Variants in ZC3H3 observed in about 807,000 individuals in gnomAD.
The protein encoded by ZC3H3 is zinc finger CCCH-type containing 3, also known as zinc finger CCCH domain-containing protein 3.
A neutral mutation model predicts 77.3 loss-of-function variants in ZC3H3; 36 were observed. That is an observed-to-expected ratio of 0.47 (90% CI 0.36 to 0.61). The LOEUF (loss-of-function observed/expected upper bound fraction) is 0.61. ZC3H3 is among the 20% of genes least tolerant of loss of function. ZC3H3 has a pLI of 0.00. For synonymous variants in ZC3H3, 626 were observed against 555.2 expected (o/e 1.13, Z -1.79); for missense variants, 1,331 against 1,312.2 (o/e 1.01, Z -0.22).
At chr8:143,459,137 G>A (rs1820193420) in intron 9 of ZC3H3, among the ~76,000 whole-genome samples, 1 of 152,198 alleles carries the variant, frequency 6.6e-6, no homozygotes, top group African/African-American at 2.4e-5. Context: ...TGTGAGGCCA[G>A]TAGTACCCCG....
rs759395862 is a variant in ZC3H3 at position 143,441,026 on chromosome 8, T to A, written c.2402A>T (p.Lys801Ile). The change falls in exon 10 of 12, where the codon AAA becomes ATA. Residue 801 changes from lysine (K) to isoleucine (I), a missense_variant. By Grantham distance (102) the Lys-to-Ile change is moderately radical. Coordinates refer to ENST00000262577, the MANE Select transcript of ZC3H3 (RefSeq NM_015117.3). ...CGTGGCTGCCCGCCGACTGTGGCGT[T>A]TCTGGGTACGGTGGAGCAGCTGGCA... is the stretch of plus-strand genomic sequence containing the variant. Reference protein sequence around the residue: ...AQCQLLHRTQKRHSRRAATSP... With the variant: ...AQCQLLHRTQIRHSRRAATSP... The A allele has an allele frequency of 2.7e-6, 4 of 1,482,618 alleles. No homozygotes were observed. The highest frequency in any genetic ancestry group is 5.4e-5 in the East Asian group (2 of 36,922). The allele number at this position is 1,482,618 out of a possible 1,614,324, so 91.8% of individuals were successfully genotyped here. A position where few individuals can be genotyped will look rare whatever the true frequency, so the allele number is the denominator to read the frequency against.
At position 143,494,115 on chromosome 8, in the gene ZC3H3, C is replaced by T. The variant is rs879921354; in HGVS notation, c.1715+13631G>A. 9.2e-5 allele frequency among the ~76,000 whole-genome samples: 14 copies of T among 152,212 alleles called. No homozygotes were observed. The highest frequency in any genetic ancestry group is 9.1e-4 in the Admixed American group (14 of 15,306). ...GGGAGGGGAAGGGGAGCGCTGAGGG[C>T]CATCCCCACAGGCCTCCCCAGGGCC... is the stretch of plus-strand genomic sequence containing the variant. On this transcript the variant is annotated intron_variant, in intron 4 of 11. Transcript: ENST00000262577. This position sits in a 1 kb window ranked among gnomAD's most constrained non-coding sequence, Gnocchi z 5.3.
At position 143,449,072 on chromosome 8, in the gene ZC3H3, G is replaced by A. The variant is rs566393196; in HGVS notation, c.2308-7952C>T. On this transcript the variant is annotated intron_variant, in intron 9 of 11. Coordinates refer to ENST00000262577, the MANE Select transcript of ZC3H3 (RefSeq NM_015117.3). ...GGGACGCAGATCCTGGGGCTGTGCA[G>A]GGCAGTGGGGCTCTGGGCCAGGTCC... is the stretch of plus-strand genomic sequence containing the variant. 9.6e-4 allele frequency among the ~76,000 whole-genome samples: 146 copies of A among 152,354 alleles called. 1 individual carries two copies. Among genetic ancestry groups the A allele is most frequent in the African/African-American group, 3.4e-3 (143 of 41,580 alleles).
At chr8:143,450,500 A>C (rs1252946884) in intron 9 of ZC3H3, among the ~76,000 whole-genome samples, 1 of 152,156 alleles carries the variant, frequency 6.6e-6, no homozygotes, top group East Asian at 1.9e-4. Context: ...TAATTTATGA[A>C]GATAAGAGGT....
intron 3 of ZC3H3, among the ~76,000 whole-genome samples, chr8:143,531,569 G>T (rs1822608226): frequency 6.6e-6 from 1 of 152,226 alleles, no homozygotes; most frequent in South Asian, 2.1e-4. Context: ...TATCTGTTGT[G>T]CCAAATAAAT....
At position 143,517,109 on chromosome 8, in the gene ZC3H3, C is replaced by T. The variant is rs915264877; in HGVS notation, c.1562-9210G>A. Among the ~76,000 whole-genome samples the T allele has an allele frequency of 8.5e-5, 13 of 152,354 alleles. No homozygotes were observed. The East Asian group carries it at 1.2e-3, about 14-fold the overall frequency. On this transcript the variant is annotated intron_variant, in intron 3 of 11. Coordinates refer to ENST00000262577, the MANE Select transcript of ZC3H3 (RefSeq NM_015117.3). ...AAGGGAAGATTGAGACCCTACTCTTCTTAAAGTCACTCAAGCAACACAAGC... is the reference window on the plus strand; with the variant it reads ...AAGGGAAGATTGAGACCCTACTCTTTTTAAAGTCACTCAAGCAACACAAGC...
rs1321467085 is a variant in ZC3H3 at position 143,460,295 on chromosome 8, G to A, written c.2307+5422C>T. On this transcript the variant is annotated intron_variant, in intron 9 of 11. Coordinates refer to ENST00000262577, the MANE Select transcript of ZC3H3 (RefSeq NM_015117.3). The surrounding 1 kb of genome is among the most constrained non-coding windows in gnomAD (Gnocchi z 4.0). The stretch of plus-strand genomic sequence containing the variant: ...AAATAAATAAATAAATAAATAAAAG[G>A]CATCCCAATTGAAAAGGAAGAAGTA... Among the ~76,000 whole-genome samples the A allele has an allele frequency of 2.1e-5, 3 of 139,572 alleles. No individual in the cohort carries two copies. Among genetic ancestry groups the A allele is most frequent in the African/African-American group, 7.8e-5 (3 of 38,384 alleles). 91.6% of individuals were successfully genotyped at this position (139,572 alleles called of 152,430 possible). A position where few individuals can be genotyped will look rare whatever the true frequency, so the allele number is the denominator to read the frequency against.
intron 3 of ZC3H3, among the ~76,000 whole-genome samples, chr8:143,523,853 G>A (rs1822328142): frequency 6.6e-6 from 1 of 152,258 alleles, no homozygotes; most frequent in African/African-American, 2.4e-5. Context: ...GTCAGAGCGG[G>A]GCCGCAGGAT....
intron 1 of ZC3H3, among the ~76,000 whole-genome samples, chr8:143,540,752 T>TA (rs752973474): frequency 6.6e-6 from 1 of 151,636 alleles, no homozygotes; most frequent in Non-Finnish European, 1.5e-5. Context: ...GGTCGGGAGT[T>TA]AGAGACCATC....
intron 4 of ZC3H3, among the ~76,000 whole-genome samples, chr8:143,503,385 C>G (rs1821586474): frequency 6.6e-6 from 1 of 152,162 alleles, no homozygotes; most frequent in South Asian, 2.1e-4. Context: ...TGGCTGGCAG[C>G]ACACAGAAGC....
intron 3 of ZC3H3, among the ~76,000 whole-genome samples, chr8:143,510,248 T>C (rs1403376004): frequency 6.6e-6 from 1 of 152,180 alleles, no homozygotes; most frequent in Non-Finnish European, 1.5e-5. Context: ...ACCCCTCTCC[T>C]ACAGTCCCTA....
At chr8:143,507,276 G>A (rs1821731152) in intron 4 of ZC3H3, among the ~76,000 whole-genome samples, 1 of 152,150 alleles carries the variant, frequency 6.6e-6, no homozygotes, top group Admixed American at 6.5e-5. Flanking sequence ...AACACGGACA[G>A]GCAGCCAGCA....
chr8:143,491,689 C>G (rs942705114), intron 4 of ZC3H3, among the ~76,000 whole-genome samples: 1 of 152,250 alleles, frequency 6.6e-6, no homozygotes, highest in Non-Finnish European at 1.5e-5. Flanking sequence ...CGTCGCCCAG[C>G]AGGCCATGCT....
intron 4 of ZC3H3, among the ~76,000 whole-genome samples, chr8:143,495,841 ATCC>A (rs1383405857): frequency 6.7e-6 from 1 of 149,522 alleles, no homozygotes; most frequent in Non-Finnish European, 1.5e-5. Context: ...AGGCTCAGCT[ATCC>A]TCCTGTCTCA....
chr8:143,498,414 CA>C (rs1028886158), intron 4 of ZC3H3, among the ~76,000 whole-genome samples: 13 of 152,204 alleles, frequency 8.5e-5, no homozygotes, highest in African/African-American at 3.1e-4. Flanking sequence ...CCTGAGTCCA[CA>C]GCCTCTGAGT....
intron 4 of ZC3H3, among the ~76,000 whole-genome samples, chr8:143,504,337 C>T (rs907181234): frequency 5.9e-5 from 9 of 152,196 alleles, no homozygotes; most frequent in Non-Finnish European, 1.3e-4. Context: ...GAAAAGAGGG[C>T]AGGGGAGGTC....
At chr8:143,502,561 A>G (rs1221587734) in intron 4 of ZC3H3, among the ~76,000 whole-genome samples, 2 of 152,276 alleles carry the variant, frequency 1.3e-5, no homozygotes, top group African/African-American at 2.4e-5. Flanking sequence ...GCCTCGTGAC[A>G]GGACCATTTG....
intron 4 of ZC3H3, among the ~76,000 whole-genome samples, chr8:143,482,451 C>T (rs1336411135): frequency 6.6e-6 from 1 of 152,158 alleles, no homozygotes; most frequent in African/African-American, 2.4e-5. Flanking sequence ...CCTGGGGCTC[C>T]CAGGACCTTA....
intron 9 of ZC3H3, among the ~76,000 whole-genome samples, chr8:143,463,428 G>A (rs1820319954): frequency 6.6e-6 from 1 of 152,166 alleles, no homozygotes; most frequent in African/African-American, 2.4e-5. Context: ...GCCCTGGCAG[G>A]GCAGCATATT....
Sources: gnomAD v4.1 joint callset for allele counts (sites outside exome capture counted in the v4.1 genomes callset) on GRCh38, gnomAD v4.1.1 for gene constraint, Gnocchi (gnomAD v3.1) non-coding constraint, MANE v1.5 for transcripts, NCBI Gene and HGNC (gene_info 2026-07-23, HGNC 2026-07-21) for gene names.